The following MPPED1 variants were observed in gnomAD, a reference collection of about 807,000 sequenced individuals.
MPPED1 encodes metallophosphoesterase domain containing 1.
Under a neutral mutation model 36.2 loss-of-function variants are expected in MPPED1, and 16 were observed. That is an observed-to-expected ratio of 0.44 (90% CI 0.30 to 0.67). The LOEUF is 0.67. Ranked by LOEUF, MPPED1 falls within the 30% of genes least tolerant of loss-of-function variation. MPPED1 has a pLI of 0.10. For missense variants in MPPED1, 307 were observed against 453.4 expected (o/e 0.68, Z 2.93); for synonymous variants, 199 against 191.3 (o/e 1.04, Z -0.33).
At chr22:43,489,957 C>A (rs1326885342) in intron 4 of MPPED1, among the ~76,000 whole-genome samples, 2 of 152,208 alleles carry the variant, frequency 1.3e-5, no homozygotes, top group African/African-American at 4.8e-5. Context: ...CCTTTCCTCC[C>A]CTGCGTCAGG....
rs1274178981 is a variant in MPPED1, at chr22:43,463,806, C to CTTTTCTTTCTTTCTTTTTTTTTTT, written c.407-10914_407-10913insTTTTTTTTTTTTCTTTCTTTCTTT. ...CACTGTGGTTGATTTTTCATTTTTT[C>CTTTTCTTTCTTTCTTTTTTTTTTT]TTTTCTTTCTTTCTTTCTTTCTTTC... On this transcript the variant is annotated intron_variant, in intron 3 of 6. Coordinates refer to ENST00000443721, the MANE Select transcript of MPPED1 (RefSeq NM_001044370.2). Among the ~76,000 whole-genome samples the CTTTTCTTTCTTTCTTTTTTTTTTT allele has an allele frequency of 3.0e-4, 36 of 121,582 alleles. 2 individuals carry two copies. Among genetic ancestry groups the CTTTTCTTTCTTTCTTTTTTTTTTT allele is most frequent in the Non-Finnish European group, 5.5e-4 (31 of 56,784 alleles). 79.8% of individuals were successfully genotyped at this position (121,582 alleles called of 152,430 possible).
At chr22:43,461,817 G>A (rs1039585758) in intron 3 of MPPED1, among the ~76,000 whole-genome samples, 9 of 152,098 alleles carry the variant, frequency 5.9e-5, no homozygotes, top group Admixed American at 1.3e-4. Flanking sequence ...CCGCTTCTTC[G>A]CTGATCAGTT....
At chr22:43,459,488 C>G (rs1038564386) in intron 3 of MPPED1, among the ~76,000 whole-genome samples, 1 of 152,238 alleles carries the variant, frequency 6.6e-6, no homozygotes, top group African/African-American at 2.4e-5. Flanking sequence ...TCCCACAGGT[C>G]TCTGAGGCTC....
chr22:43,500,245 C>T (rs1422834709), intron 5 of MPPED1, among the ~76,000 whole-genome samples: 14 of 52,406 alleles, frequency 2.7e-4, no homozygotes, highest in Admixed American at 1.4e-3. Context: ...ATGGAGGTGG[C>T]AGTGATGATG....
rs533041792 is a variant in MPPED1, at chr22:43,497,761, G to A, written c.633-474G>A. ...AATGAGCAGCCCGCACCTGGAATCT[G>A]CTCTCTTTTGACTGGGGGTCCACAC... On this transcript the variant is annotated intron_variant, in intron 4 of 6. Coordinates refer to ENST00000443721, the MANE Select transcript of MPPED1 (RefSeq NM_001044370.2). Among the ~76,000 whole-genome samples the A allele has an allele frequency of 2.7e-5, 4 of 150,788 alleles. No individual in the cohort carries two copies. In the South Asian group the frequency reaches 8.4e-4, roughly 32 times the overall value.
rs1931485087 is a variant in MPPED1 at position 43,474,645 on chromosome 22, T to G, written c.407-91T>G. 1.3e-6 allele frequency: 2 copies of G among 1,529,162 alleles called. No individual in the cohort carries two copies. Among genetic ancestry groups the G allele is most frequent in the Non-Finnish European group, 1.8e-6 (2 of 1,115,882 alleles). The allele number at this position is 1,529,162 out of a possible 1,614,324, so 94.7% of individuals were successfully genotyped here. A position where few individuals can be genotyped will look rare whatever the true frequency, so the allele number is the denominator to read the frequency against. ...CCTTTGACCAGGAGTTCATGCAGCT[T>G]CCTCCTGCCCGCCCCTCTCTCAGCC... On this transcript the variant is annotated intron_variant, in intron 3 of 6. Transcript: ENST00000443721. This position sits in a 1 kb window ranked among gnomAD's most constrained non-coding sequence, Gnocchi z 5.2.
chr22:43,497,292 G>A (rs1054566123), intron 4 of MPPED1, among the ~76,000 whole-genome samples: 18 of 152,046 alleles, frequency 1.2e-4, no homozygotes, highest in Middle Eastern at 3.4e-3. Flanking sequence ...TGAAACCTAC[G>A]GGATGATTCT....
intron 2 of MPPED1, 123 bp downstream of exon 2, chr22:43,425,332 C>T: frequency 7.1e-7 from 1 of 1,417,524 alleles, no homozygotes; most frequent in Non-Finnish European, 9.3e-7. Flanking sequence ...TTGACTGCAA[C>T]AATTCTGGAA....
chr22:43,435,184 G>A lies in MPPED1; in HGVS notation c.375G>A (p.Pro125=), dbSNP rs771136266. The part of the protein sequence containing the change: ...HAGDFTELGL[P]SEVKKFNEWL... Reference sequence around the variant, plus strand: ...GGGACTTCACTGAGCTGGGGCTCCCGAGCGAGGTGAAGAAGTTCAACGAGT... The same window carrying A: ...GGGACTTCACTGAGCTGGGGCTCCCAAGCGAGGTGAAGAAGTTCAACGAGT... Residue 125 remains proline, a synonymous_variant, in exon 3 of 7, where the codon CCG becomes CCA. Coordinates refer to ENST00000443721, the MANE Select transcript of MPPED1 (RefSeq NM_001044370.2). 6.8e-6 allele frequency: 11 copies of A among 1,611,270 alleles called. No individual in the cohort carries two copies. The highest frequency in any genetic ancestry group is 1.7e-5 in the Admixed American group (1 of 60,008).
At chr22:43,489,210 C>T (rs1274657376) in intron 4 of MPPED1, among the ~76,000 whole-genome samples, 1 of 152,114 alleles carries the variant, frequency 6.6e-6, no homozygotes, top group Non-Finnish European at 1.5e-5. Flanking sequence ...GTGGGGAGGA[C>T]CTCTTCGCAC....
intron 4 of MPPED1, among the ~76,000 whole-genome samples, chr22:43,491,240 G>T (rs1284211341): frequency 6.6e-6 from 1 of 152,210 alleles, no homozygotes; most frequent in Non-Finnish European, 1.5e-5. Flanking sequence ...TATGATGATA[G>T]CAATAATGAT....
intron 5 of MPPED1, among the ~76,000 whole-genome samples, chr22:43,500,184 A>ATGAAGG (rs1555904911): frequency 1.0e-3 from 13 of 12,786 alleles, no homozygotes; most frequent in Non-Finnish European, 1.6e-3. Context: ...GGTGGTGGTG[A>ATGAAGG]TGGTGATGGA....
intron 3 of MPPED1, among the ~76,000 whole-genome samples, chr22:43,462,511 C>T (rs1313344364): frequency 6.6e-6 from 1 of 152,252 alleles, no homozygotes; most frequent in Non-Finnish European, 1.5e-5. Flanking sequence ...TCCCCACTCA[C>T]ATATGCATCT....
At chr22:43,484,326 A>G (rs920017981) in intron 4 of MPPED1, among the ~76,000 whole-genome samples, 2 of 152,202 alleles carry the variant, frequency 1.3e-5, no homozygotes, top group Non-Finnish European at 2.9e-5. Flanking sequence ...GTAAGGCTTG[A>G]GTAGGTCTAG....
intron 1 of MPPED1, among the ~76,000 whole-genome samples, chr22:43,422,097 C>T (rs536812462): frequency 6.6e-6 from 1 of 152,254 alleles, no homozygotes; most frequent in African/African-American, 2.4e-5. Flanking sequence ...AATGAAGGCC[C>T]CAGATCCAGG....
At chr22:43,452,621 T>G (rs564624458) in intron 3 of MPPED1, among the ~76,000 whole-genome samples, 1 of 152,290 alleles carries the variant, frequency 6.6e-6, no homozygotes, top group African/African-American at 2.4e-5. Flanking sequence ...ACCCTTGGCT[T>G]TAGGAATAAA....
rs1932059924 is a variant in MPPED1 at position 43,490,850 on chromosome 22, T to C, written c.633-7385T>C. Among the ~76,000 whole-genome samples the C allele has an allele frequency of 2.0e-5, 3 of 152,158 alleles. No individual in the cohort carries two copies. In the South Asian group the frequency reaches 6.2e-4, roughly 32 times the overall value. ...CCCCCTACCTGCCTGGTTCAGCCAG[T>C]GGGGCTCTGAATGTGTCTGGGACCG... On this transcript the variant is annotated intron_variant, in intron 4 of 6. Transcript: ENST00000443721.
chr22:43,488,217 G>A (rs945892031), intron 4 of MPPED1, among the ~76,000 whole-genome samples: 4 of 152,132 alleles, frequency 2.6e-5, no homozygotes, highest in South Asian at 2.1e-4. Flanking sequence ...GCCCCGGCCC[G>A]GGTGTGCCTG....
intron 3 of MPPED1, among the ~76,000 whole-genome samples, chr22:43,439,827 C>T (rs1601960037): frequency 6.6e-6 from 1 of 152,340 alleles, no homozygotes; most frequent in East Asian, 1.9e-4. Context: ...CAGCTGGACT[C>T]CTCACTCGTA....
Sources: gnomAD v4.1 joint callset for allele counts (sites outside exome capture counted in the v4.1 genomes callset) on GRCh38, gnomAD v4.1.1 for gene constraint, Gnocchi (gnomAD v3.1) non-coding constraint, MANE v1.5 for transcripts, NCBI Gene and HGNC (gene_info 2026-07-23, HGNC 2026-07-21) for gene names.